The following TMC1 variants were observed in gnomAD, a reference collection of about 807,000 sequenced individuals.
The protein encoded by TMC1 is transmembrane channel like 1.
In TMC1, 84 loss-of-function variants were observed where a neutral mutation model predicts 105.8. The ratio of observed to expected loss-of-function variants is 0.79; its 90% confidence interval spans 0.67 to 0.95. The LOEUF is 0.95. Among genes scored for constraint, TMC1 ranks in the 40% least tolerant of loss-of-function variants. TMC1 has a pLI of 0.00. For synonymous variants in TMC1, 315 were observed against 311.5 expected, an observed-to-expected ratio of 1.01 and a Z score of -0.12; for missense variants, 817 against 914.1, an observed-to-expected ratio of 0.89 and a Z score of 1.37.
chr9:72,663,266 C>G (rs890310053), intron 5 of TMC1, among the ~76,000 whole-genome samples: 8 of 152,036 alleles, frequency 5.3e-5, no homozygotes, highest in Admixed American at 5.2e-4. Flanking sequence ...GGTGGGGCCA[C>G]AGGACTGGTT....
intron 5 of TMC1, among the ~76,000 whole-genome samples, chr9:72,678,793 A>G (rs1826244752): frequency 1.3e-5 from 2 of 152,092 alleles, no homozygotes; most frequent in African/African-American, 4.8e-5. Flanking sequence ...AGAAAATAAG[A>G]CAATTAGAAA....
intron 10 of TMC1, among the ~76,000 whole-genome samples, chr9:72,750,146 T>G (rs1343000293): frequency 6.6e-6 from 1 of 151,926 alleles, no homozygotes; most frequent in African/African-American, 2.4e-5. Context: ...GGTCCAGAAA[T>G]AGAGGTGTTA....
rs79724789 is a variant in TMC1, at chr9:72,734,865, A to G, written c.363-5254A>G. On this transcript the variant is annotated intron_variant, in intron 8 of 23. Coordinates refer to ENST00000297784, the MANE Select transcript of TMC1 (RefSeq NM_138691.3). ...AGGAAAGGAAAGTCAACCTAACCTA[A>G]CCCAAAAGGGGAACATGTTTCCTGG... 6.5e-4 allele frequency among the ~76,000 whole-genome samples: 99 copies of G among 152,256 alleles called. 2 individuals carry two copies. The East Asian group carries it at 0.018, about 27-fold the overall frequency.
Position 72,785,113 on chromosome 9 carries a change from A to G in TMC1, c.885-3226A>G, listed in dbSNP as rs533680877. Among the ~76,000 whole-genome samples the G allele has an allele frequency of 3.9e-5, 6 of 152,350 alleles. No homozygotes were observed. In the South Asian group the frequency reaches 6.2e-4, roughly 16 times the overall value. ...TAAAATAAAAATTAGAAAGAAAAAA[A>G]TAATAATTAAAAAAATTATCTGGGG... On this transcript the variant is annotated intron_variant, in intron 13 of 23. Coordinates refer to ENST00000297784, the MANE Select transcript of TMC1 (RefSeq NM_138691.3).
At chr9:72,779,230 C>G (rs1224161740) in intron 13 of TMC1, among the ~76,000 whole-genome samples, 1 of 152,184 alleles carries the variant, frequency 6.6e-6, no homozygotes, top group African/African-American at 2.4e-5. Context: ...TTGACTAGAC[C>G]TAACTTATAT....
chr9:72,771,825 C>T (rs144076634), intron 12 of TMC1, among the ~76,000 whole-genome samples: 4 of 152,220 alleles, frequency 2.6e-5, no homozygotes, highest in Non-Finnish European at 4.4e-5. Context: ...TTTTTAGGAA[C>T]GAGAATCTAA....
At chr9:72,625,285 AAGAC>A (rs1266290022) in intron 3 of TMC1, among the ~76,000 whole-genome samples, 2 of 152,306 alleles carry the variant, frequency 1.3e-5, no homozygotes, top group East Asian at 3.9e-4. Flanking sequence ...TTATTGTAGC[AAGAC>A]AGAACATTCA....
intron 2 of TMC1, among the ~76,000 whole-genome samples, chr9:72,594,856 G>GCTT (rs34749785): frequency 0.41 from 60,056 of 147,114 alleles, 13,280 homozygotes; most frequent in African/African-American, 0.58. Context: ...GCTCTCCTCT[G>GCTT]CTTCTTCTTC....
At position 72,648,494 on chromosome 9, in the gene TMC1, G is replaced by A. The variant is rs561632258; in HGVS notation, c.-52-103G>A. 1.1e-4 allele frequency: 80 copies of A among 722,700 alleles called. No individual in the cohort carries two copies. In the African/African-American group the frequency reaches 1.3e-3, roughly 12 times the overall value. The allele number at this position is 722,700 out of a possible 1,614,324, so 44.8% of individuals were successfully genotyped here. ...GGTGAGGAAATGAGTACCTTCTTAA[G>A]TTTCAGATGGTGAAATGGCACCAGG... On this transcript the variant is annotated intron_variant, in intron 4 of 23. Transcript: ENST00000297784.
intron 13 of TMC1, among the ~76,000 whole-genome samples, chr9:72,781,790 T>A (rs541810163): frequency 2.6e-5 from 4 of 152,052 alleles, no homozygotes; most frequent in Non-Finnish European, 5.9e-5. Context: ...AACAGACCAA[T>A]AACAAATTCT....
intron 2 of TMC1, among the ~76,000 whole-genome samples, chr9:72,606,351 T>C (rs1824912449): frequency 6.6e-6 from 1 of 152,194 alleles, no homozygotes; most frequent in Admixed American, 6.5e-5. Context: ...CAAGACAGAA[T>C]GCACAGTCTT....
intron 4 of TMC1, among the ~76,000 whole-genome samples, chr9:72,636,977 G>A (rs943014406): frequency 2.0e-5 from 3 of 151,874 alleles, no homozygotes; most frequent in Admixed American, 6.6e-5. Flanking sequence ...GAATTATTCA[G>A]TCCAAAGTGT....
At chr9:72,795,467 C>A (rs544974820) in intron 17 of TMC1, among the ~76,000 whole-genome samples, 2 of 152,286 alleles carry the variant, frequency 1.3e-5, no homozygotes, top group South Asian at 2.1e-4. Context: ...ACCCTACAAG[C>A]CAGAAGCAGT....
chr9:72,645,341 G>A (rs982229646), intron 4 of TMC1, among the ~76,000 whole-genome samples: 9 of 152,174 alleles, frequency 5.9e-5, no homozygotes, highest in Admixed American at 2.0e-4. Flanking sequence ...TTTTAAACAA[G>A]TGGGATCAAG....
chr9:72,832,463 CAT>C (rs1289775390), intron 23 of TMC1, among the ~76,000 whole-genome samples: 4 of 152,158 alleles, frequency 2.6e-5, no homozygotes, highest in Non-Finnish European at 4.4e-5. Flanking sequence ...CCATATGGGT[CAT>C]GTATCCATCC....
At chr9:72,559,349 T>C (rs1824004352) in intron 1 of TMC1, among the ~76,000 whole-genome samples, 1 of 152,254 alleles carries the variant, frequency 6.6e-6, no homozygotes, top group South Asian at 2.1e-4. Context: ...CCGCCTTGGC[T>C]TCCCAAAGTG....
intron 15 of TMC1, among the ~76,000 whole-genome samples, chr9:72,791,044 C>T (rs1191684088): frequency 6.6e-6 from 1 of 152,072 alleles, no homozygotes; most frequent in Non-Finnish European, 1.5e-5. Context: ...TACCTAAAAT[C>T]GGTATTTCCC....
chr9:72,572,000 C>T (rs542275496), intron 1 of TMC1, among the ~76,000 whole-genome samples: 15 of 152,028 alleles, frequency 9.9e-5, no homozygotes, highest in African/African-American at 3.4e-4. Context: ...CCACACTCGG[C>T]TAATTTTGTA....
Position 72,800,201 on chromosome 9 carries a change from G to C in TMC1, c.1567-5181G>C, listed in dbSNP as rs79938378. On this transcript the variant is annotated intron_variant, in intron 17 of 23. Transcript: ENST00000297784. The stretch of plus-strand genomic sequence containing the variant: ...GGTACTTGGGTCTCCCTGTTCCATG[G>C]CTTTTTGAAGTGAAGTCTGGTTGTG... Among the ~76,000 whole-genome samples the C allele has an allele frequency of 1.6e-3, 245 of 152,278 alleles. 2 individuals are homozygous for C. The highest frequency in any genetic ancestry group is 5.7e-3 in the African/African-American group (239 of 41,570).
Sources: allele counts gnomAD v4.1 joint callset (sites outside exome capture counted in the v4.1 genomes callset), GRCh38; gene constraint gnomAD v4.1.1; transcripts MANE v1.5; gene names NCBI Gene and HGNC (gene_info 2026-07-23, HGNC 2026-07-21).